Variants in EGFLAM observed in about 807,000 individuals in gnomAD.
The protein encoded by EGFLAM is pikachurin.
EGFLAM carries 79 observed loss-of-function variants against 113.1 expected under a neutral mutation model. The observed-to-expected ratio is 0.70, with a 90% CI of 0.58 to 0.84. EGFLAM has a LOEUF of 0.84. Ranked by LOEUF, EGFLAM falls within the 40% of genes least tolerant of loss-of-function variation. EGFLAM has a pLI of 0.00. For synonymous variants in EGFLAM, 504 were observed against 487.6 expected, an observed-to-expected ratio of 1.03 and a Z score of -0.44; for missense variants, 1,265 against 1,291.6, an observed-to-expected ratio of 0.98 and a Z score of 0.32.
At position 38,450,972 on chromosome 5, in the gene EGFLAM, T is replaced by C. The variant is rs550860932; in HGVS notation, c.2544-343T>C. On this transcript the variant is annotated intron_variant, in intron 18 of 21. Coordinates refer to ENST00000322350, the MANE Select transcript of EGFLAM (RefSeq NM_152403.4). ...CTCTTGGTAATTAGGAAACACACTT[T>C]CTGTTGGGGAATGGGGCCCCTGAGT... Among the ~76,000 whole-genome samples the C allele has an allele frequency of 4.9e-4, 75 of 152,326 alleles. No homozygotes were observed. The South Asian group carries it at 0.016, about 32-fold the overall frequency.
chr5:38,349,952 TACAC>T (rs60439871), intron 3 of EGFLAM, among the ~76,000 whole-genome samples: 2,518 of 143,918 alleles, frequency 0.017, 28 homozygotes, highest in African/African-American at 0.04. Context: ...GCAGGGGAAG[TACAC>T]ACACACACAC....
intron 3 of EGFLAM, among the ~76,000 whole-genome samples, chr5:38,339,991 C>T (rs1332103260): frequency 6.6e-6 from 1 of 152,062 alleles, no homozygotes; most frequent in Non-Finnish European, 1.5e-5. Context: ...TCTGATTGTC[C>T]CTAGTAGTAT....
chr5:38,352,093 T>C (rs2111986928), intron 4 of EGFLAM, 103 bp from the exon 5 acceptor site: 1 of 1,533,582 alleles, frequency 6.5e-7, no homozygotes, highest in East Asian at 2.3e-5. Flanking sequence ...TTATGTATTA[T>C]ATTAAACGTC....
chr5:38,440,926 A>G (rs1742513059), intron 17 of EGFLAM, among the ~76,000 whole-genome samples: 1 of 152,160 alleles, frequency 6.6e-6, no homozygotes, highest in Admixed American at 6.5e-5. Context: ...TGAGTTCCAC[A>G]AGGGCCGTAG....
rs148241267 is a variant in EGFLAM at position 38,336,570 on chromosome 5, T to TACACACACACACACACACACAC, written c.98-942_98-921dup. ...GCCTGGGCGACAGAGTGAGACTCCG[T>TACACACACACACACACACACAC]ACACACACACACACACACACACACA... On this transcript the variant is annotated intron_variant, in intron 1 of 21. Transcript: ENST00000322350. Among the ~76,000 whole-genome samples, 732 of 142,254 alleles carry TACACACACACACACACACACAC rather than the reference T, an allele frequency of 5.1e-3. 3 individuals are homozygous for TACACACACACACACACACACAC. The highest frequency in any genetic ancestry group is 0.015 in the African/African-American group (545 of 36,938). 93.3% of individuals were successfully genotyped at this position (142,254 alleles called of 152,430 possible).
intron 6 of EGFLAM, among the ~76,000 whole-genome samples, chr5:38,396,911 C>A (rs990981161): frequency 2.0e-5 from 3 of 152,132 alleles, no homozygotes; most frequent in African/African-American, 7.2e-5. Context: ...CTTTCCACGG[C>A]CCCGTTATCT....
chr5:38,406,106 T>A lies in EGFLAM; in HGVS notation c.713-20T>A. On this transcript the variant is annotated intron_variant, in intron 6 of 21. Transcript: ENST00000322350. ...AGAAGGCCTGTGCTGATGAAGGGTG[T>A]GCTGCTTTTCTTTGTGAAGGCCCTG... The A allele has an allele frequency of 6.3e-7, 1 of 1,599,320 alleles. No individual in the cohort carries two copies. Among genetic ancestry groups the A allele is most frequent in the Non-Finnish European group, 8.6e-7 (1 of 1,166,450 alleles).
intron 1 of EGFLAM, among the ~76,000 whole-genome samples, chr5:38,324,795 G>A (rs1052301377): frequency 2.0e-5 from 3 of 152,216 alleles, no homozygotes; most frequent in Non-Finnish European, 4.4e-5. Context: ...ACAGTTAATA[G>A]TGCTGCTCCA....
At chr5:38,271,813 A>G (rs1757772078) in intron 1 of EGFLAM, among the ~76,000 whole-genome samples, 1 of 152,158 alleles carries the variant, frequency 6.6e-6, no homozygotes, top group Non-Finnish European at 1.5e-5. Flanking sequence ...AAGCACCATG[A>G]CTTCTCTACT....
rs150941512 is a variant in EGFLAM, at chr5:38,441,347, T to C, written c.2464+2892T>C. Reference sequence around the variant, plus strand: ...TTTGGTGGTTTCAGTTTCAGGCATCTTCTCCACCCCATGCACTACCCCAAT... The same window carrying C: ...TTTGGTGGTTTCAGTTTCAGGCATCCTCTCCACCCCATGCACTACCCCAAT... On this transcript the variant is annotated intron_variant, in intron 17 of 21. Transcript: ENST00000322350. 5.2e-3 allele frequency among the ~76,000 whole-genome samples: 798 copies of C among 152,296 alleles called. 4 individuals carry two copies. The highest frequency in any genetic ancestry group is 7.6e-3 in the Non-Finnish European group (518 of 68,032).
intron 5 of EGFLAM, among the ~76,000 whole-genome samples, chr5:38,357,739 G>C (rs1229986816): frequency 6.6e-6 from 1 of 152,132 alleles, no homozygotes; most frequent in Non-Finnish European, 1.5e-5. Context: ...TCTGTCACTG[G>C]AAGGTAAGGT....
At chr5:38,353,983 G>A (rs778220086) in intron 5 of EGFLAM, among the ~76,000 whole-genome samples, 8 of 152,176 alleles carry the variant, frequency 5.3e-5, no homozygotes, top group Non-Finnish European at 1.0e-4. Context: ...CCGAGTGGGA[G>A]AATTCATTGA....
chr5:38,456,241 G>A (rs1435562641), intron 19 of EGFLAM, among the ~76,000 whole-genome samples: 6 of 152,108 alleles, frequency 3.9e-5, no homozygotes, highest in South Asian at 2.1e-4. Flanking sequence ...TATTATCCCC[G>A]TTTGACAGAT....
At chr5:38,392,487 C>A (rs1740838313) in intron 6 of EGFLAM, among the ~76,000 whole-genome samples, 1 of 152,112 alleles carries the variant, frequency 6.6e-6, no homozygotes, top group Admixed American at 6.5e-5. Flanking sequence ...AATGGCATTG[C>A]TGGGTTGAAT....
chr5:38,262,152 C>T (rs1192655717), intron 1 of EGFLAM, among the ~76,000 whole-genome samples: 3 of 152,206 alleles, frequency 2.0e-5, no homozygotes, highest in African/African-American at 4.8e-5. Flanking sequence ...CTGGACCTCC[C>T]ACCCTCCTGA....
At chr5:38,290,553 C>T (rs1758298599) in intron 1 of EGFLAM, 1 of 152,204 alleles carries the variant, frequency 6.6e-6, no homozygotes, top group Non-Finnish European at 1.5e-5. Flanking sequence ...CTTGCTACTA[C>T]TGGAGATAGC....
At chr5:38,299,876 T>G (rs34424020) in intron 1 of EGFLAM, among the ~76,000 whole-genome samples, 13,885 of 152,206 alleles carry the variant, frequency 0.091, 701 homozygotes, top group South Asian at 0.12. Flanking sequence ...GCATGTATTA[T>G]GTGCTGGGCA....
At chr5:38,389,542 GT>G (rs1342252895) in intron 6 of EGFLAM, among the ~76,000 whole-genome samples, 1 of 152,068 alleles carries the variant, frequency 6.6e-6, no homozygotes, top group African/African-American at 2.4e-5. Flanking sequence ...GAGTCCTAAA[GT>G]TTTTTCTTTA....
At chr5:38,381,282 G>T (rs142403103) in intron 6 of EGFLAM, among the ~76,000 whole-genome samples, 1 of 151,998 alleles carries the variant, frequency 6.6e-6, no homozygotes, top group Non-Finnish European at 1.5e-5. Context: ...TTCTTGAATC[G>T]TTTCAGTTCT....
Sources: gnomAD v4.1 joint callset for allele counts (sites outside exome capture counted in the v4.1 genomes callset) on GRCh38, gnomAD v4.1.1 for gene constraint, MANE v1.5 for transcripts, NCBI Gene and HGNC (gene_info 2026-07-23, HGNC 2026-07-21) for gene names.